The following FRAS1 variants were observed in gnomAD, a reference collection of about 807,000 sequenced individuals.
FRAS1 encodes the protein extracellular matrix organizing protein FRAS1.
A neutral mutation model predicts 435.2 loss-of-function variants in FRAS1; 290 were observed. The ratio of observed to expected loss-of-function variants is 0.67; its 90% CI spans 0.61 to 0.73. The LOEUF is 0.73. Among genes scored for constraint, FRAS1 ranks in the 30% least tolerant of loss-of-function variants. The pLI is 0.00. For synonymous variants in FRAS1, 1,800 were observed against 1,851.0 expected (o/e 0.97, Z 0.71); for missense variants, 4,860 against 5,001.5 (o/e 0.97, Z 0.85).
intron 43 of FRAS1, 45 bp downstream of exon 43, chr4:78,446,925 G>C: frequency 6.5e-7 from 1 of 1,542,284 alleles, no homozygotes; most frequent in African/African-American, 1.4e-5. Flanking sequence ...TGAGATGCCC[G>C]ATGGGCTGTT....
At chr4:78,526,938 T>C (rs1184297892) in intron 70 of FRAS1, among the ~76,000 whole-genome samples, 2 of 152,172 alleles carry the variant, frequency 1.3e-5, no homozygotes, top group Non-Finnish European at 2.9e-5. Flanking sequence ...TTTTGTGCCT[T>C]TTGTTGATGA....
intron 14 of FRAS1, among the ~76,000 whole-genome samples, chr4:78,307,191 AGGG>A (rs1728779169): frequency 6.6e-6 from 1 of 152,192 alleles, no homozygotes; most frequent in South Asian, 2.1e-4. Context: ...GTCAGAGGTC[AGGG>A]ACCCACTTGA....
chr4:78,302,778 C>T (rs1728480866), intron 14 of FRAS1, among the ~76,000 whole-genome samples: 2 of 152,040 alleles, frequency 1.3e-5, no homozygotes, highest in Non-Finnish European at 2.9e-5. Context: ...GATGAGTAGG[C>T]TGCGAAAATC....
At chr4:78,491,841 T>C (rs1356440339) in intron 59 of FRAS1, among the ~76,000 whole-genome samples, 2 of 152,136 alleles carry the variant, frequency 1.3e-5, no homozygotes, top group African/African-American at 2.4e-5. Flanking sequence ...TTTATTCAAA[T>C]AGGAAGAGAG....
chr4:78,525,177 G>C (rs112260196), intron 69 of FRAS1, among the ~76,000 whole-genome samples: 2 of 152,224 alleles, frequency 1.3e-5, no homozygotes, highest in African/African-American at 4.8e-5. Flanking sequence ...GTAGTGCAAG[G>C]AGAGCCCCTA....
At chr4:78,276,577 C>G (rs764606118) in intron 9 of FRAS1, among the ~76,000 whole-genome samples, 5 of 152,216 alleles carry the variant, frequency 3.3e-5, no homozygotes, top group Non-Finnish European at 2.9e-5. Context: ...TGCTGGACAT[C>G]CACTCTAGAC....
intron 4 of FRAS1, among the ~76,000 whole-genome samples, chr4:78,246,746 GGA>G (rs956071438): frequency 1.6e-4 from 16 of 101,102 alleles, no homozygotes; most frequent in Non-Finnish European, 3.8e-4. Context: ...AGGATCTGGG[GGA>G]AAAAAAAAAC....
chr4:78,303,954 C>A (rs557377879), intron 14 of FRAS1, among the ~76,000 whole-genome samples: 2 of 151,710 alleles, frequency 1.3e-5, no homozygotes, highest in Admixed American at 1.3e-4. Flanking sequence ...GGGAATGCTT[C>A]CAGTTTTTGC....
chr4:78,209,297 T>A (rs1723403185), intron 2 of FRAS1, among the ~76,000 whole-genome samples: 1 of 152,208 alleles, frequency 6.6e-6, no homozygotes, highest in Admixed American at 6.5e-5. Context: ...GTTTGCTCTC[T>A]TCAGTAGTTA....
intron 2 of FRAS1, among the ~76,000 whole-genome samples, chr4:78,094,104 G>GTTTTTTTT (rs71214395): frequency 9.4e-6 from 1 of 106,632 alleles, no homozygotes; most frequent in African/African-American, 3.4e-5. Flanking sequence ...GAATAACCAA[G>GTTTTTTTT]TTTTTTTTTT....
chr4:78,240,808 A>ATT (rs1724970183), intron 3 of FRAS1, among the ~76,000 whole-genome samples: 1 of 152,208 alleles, frequency 6.6e-6, no homozygotes, highest in Non-Finnish European at 1.5e-5. Flanking sequence ...GGAGGTGAGC[A>ATT]TAAGAGAAAG....
intron 2 of FRAS1, among the ~76,000 whole-genome samples, chr4:78,222,705 T>G (rs1477780649): frequency 6.6e-6 from 1 of 152,204 alleles, no homozygotes; most frequent in Non-Finnish European, 1.5e-5. Flanking sequence ...GCTCTTTTGT[T>G]GCGGTGGGTC....
chr4:78,111,666 T>G (rs1302011396), intron 2 of FRAS1, among the ~76,000 whole-genome samples: 1 of 114,596 alleles, frequency 8.7e-6, no homozygotes, highest in East Asian at 2.7e-4. Context: ...GACACATTAG[T>G]GGGTGCAGCG....
intron 59 of FRAS1, among the ~76,000 whole-genome samples, chr4:78,489,963 GAAAACAA>G (rs1344907879): frequency 9.9e-4 from 6 of 6,080 alleles, no homozygotes; most frequent in African/African-American, 1.6e-3. Flanking sequence ...AAAGCTAGTG[GAAAACAA>G]AAAAAAAAAA....
intron 6 of FRAS1, among the ~76,000 whole-genome samples, chr4:78,255,836 G>C (rs1416248779): frequency 6.6e-6 from 1 of 152,210 alleles, no homozygotes; most frequent in African/African-American, 2.4e-5. Context: ...GATTTTCTCT[G>C]AGGACGTTTA....
intron 2 of FRAS1, 48 bp from the exon 3 acceptor site, chr4:78,237,462 A>G (rs904275917): frequency 4.5e-6 from 6 of 1,343,470 alleles, no homozygotes; most frequent in East Asian, 2.3e-5. Flanking sequence ...TTGTGTGCTC[A>G]TACCTTGACT....
At chr4:78,217,237 T>A (rs750783816) in intron 2 of FRAS1, among the ~76,000 whole-genome samples, 2 of 152,204 alleles carry the variant, frequency 1.3e-5, no homozygotes, top group African/African-American at 4.8e-5. Context: ...CCTCCCTCAT[T>A]GATCTTGTTT....
At chr4:78,468,834 C>G (rs1027028234) in intron 50 of FRAS1, among the ~76,000 whole-genome samples, 1 of 152,214 alleles carries the variant, frequency 6.6e-6, no homozygotes, top group Non-Finnish European at 1.5e-5. Flanking sequence ...TTCTATACTT[C>G]CAGTATAACA....
At chr4:78,464,700 C>A (rs1719475252) in intron 49 of FRAS1, 117 bp downstream of exon 49, 1 of 1,085,372 alleles carries the variant, frequency 9.2e-7, no homozygotes, top group Non-Finnish European at 1.3e-6. Context: ...TGAGTGCAAG[C>A]ATCCTTGAAG....
Sources: gnomAD v4.1 joint callset for allele counts (sites outside exome capture counted in the v4.1 genomes callset) on GRCh38, gnomAD v4.1.1 for gene constraint, MANE v1.5 for transcripts, NCBI Gene and HGNC (gene_info 2026-07-23, HGNC 2026-07-21) for gene names.